DYNC2H1: variants seen among roughly 807,000 people sequenced by gnomAD.
The protein encoded by DYNC2H1 is dynein cytoplasmic 2 heavy chain 1.
DYNC2H1 carries 410 observed loss-of-function variants against 570.0 expected under a neutral mutation model. That is an observed-to-expected ratio of 0.72 (90% CI 0.66 to 0.78). DYNC2H1 has a LOEUF of 0.78. Among genes scored for constraint, DYNC2H1 ranks in the 30% least tolerant of loss-of-function variants. DYNC2H1 has a pLI of 0.00. For missense variants in DYNC2H1, 4,865 were observed against 5,046.4 expected, an observed-to-expected ratio of 0.96 and a Z score of 1.09; for synonymous variants, 1,688 against 1,677.6, an observed-to-expected ratio of 1.01 and a Z score of -0.15.
rs1254883275 is a variant in DYNC2H1, at chr11:103,277,223, A to G, written c.10696-3125A>G. Among the ~76,000 whole-genome samples, 2 of 152,128 alleles carry G rather than the reference A, an allele frequency of 1.3e-5. No homozygotes were observed. The highest frequency in any genetic ancestry group is 2.9e-5 in the Non-Finnish European group (2 of 67,978). ...ATTCTTCACAAATTTATTTGTGCTC[A>G]TATAGTTATACAAAGTGTGTGTTCA... On this transcript the variant is annotated intron_variant, in intron 70 of 88. Coordinates refer to ENST00000375735, the MANE Select transcript of DYNC2H1 (RefSeq NM_001377.3). This position sits in a 1 kb window ranked among gnomAD's most constrained non-coding sequence, Gnocchi z 4.3.
At chr11:103,194,574 A>G (rs527330858) in intron 47 of DYNC2H1, among the ~76,000 whole-genome samples, 1 of 152,240 alleles carries the variant, frequency 6.6e-6, no homozygotes, top group Admixed American at 6.5e-5. Flanking sequence ...CCATTCATGT[A>G]AGTGTATATA....
intron 18 of DYNC2H1, among the ~76,000 whole-genome samples, chr11:103,144,642 G>A (rs184773146): frequency 3.8e-4 from 58 of 152,186 alleles, no homozygotes; most frequent in Non-Finnish European, 6.9e-4. Context: ...AGATGATCCT[G>A]GAAAGGTGTA....
chr11:103,281,166 A>G (rs1203658754), intron 71 of DYNC2H1, among the ~76,000 whole-genome samples: 1 of 152,032 alleles, frequency 6.6e-6, no homozygotes, highest in Non-Finnish European at 1.5e-5. Context: ...TTTGAATATA[A>G]TAGTTAAAAT....
At chr11:103,336,744 A>G (rs1939155620) in intron 82 of DYNC2H1, among the ~76,000 whole-genome samples, 1 of 152,116 alleles carries the variant, frequency 6.6e-6, no homozygotes, top group African/African-American at 2.4e-5. Flanking sequence ...TATCTTGACT[A>G]TTGTGAATAG....
At chr11:103,269,316 G>A (rs1318572253) in intron 70 of DYNC2H1, among the ~76,000 whole-genome samples, 2 of 152,016 alleles carry the variant, frequency 1.3e-5, no homozygotes, top group South Asian at 4.1e-4. Context: ...TAATCATATA[G>A]CAATGAGATA....
intron 6 of DYNC2H1, among the ~76,000 whole-genome samples, chr11:103,118,845 T>A (rs1858552933): frequency 6.6e-6 from 1 of 152,192 alleles, no homozygotes; most frequent in African/African-American, 2.4e-5. Flanking sequence ...GGTTTTCCCA[T>A]TTTTAGTGCT....
intron 83 of DYNC2H1, among the ~76,000 whole-genome samples, chr11:103,359,110 T>G (rs886411471): frequency 1.3e-5 from 2 of 152,330 alleles, no homozygotes; most frequent in Admixed American, 1.3e-4. Context: ...TTTTGGCACC[T>G]TAGTCCCCTA....
intron 70 of DYNC2H1, among the ~76,000 whole-genome samples, chr11:103,278,059 G>A (rs766661838): frequency 2.0e-5 from 3 of 152,070 alleles, no homozygotes; most frequent in Non-Finnish European, 4.4e-5. Context: ...TGGTTTTAAT[G>A]CCACTCTGGT....
rs372161371 is a variant in DYNC2H1, at chr11:103,391,005, G to T, written c.12157-8658G>T. 5.3e-5 allele frequency among the ~76,000 whole-genome samples: 8 copies of T among 152,202 alleles called. No individual in the cohort carries two copies. The East Asian group carries it at 1.4e-3, about 26-fold the overall frequency. The stretch of plus-strand genomic sequence containing the variant: ...GTTGCTCTTCTCGAGGAGTATCTTT[G>T]TGGCATTCTCTGTATTTCCTGAATC... On this transcript the variant is annotated intron_variant, in intron 83 of 88. Coordinates refer to ENST00000375735, the MANE Select transcript of DYNC2H1 (RefSeq NM_001377.3).
At position 103,163,267 on chromosome 11, in the gene DYNC2H1, AC is replaced by A; in HGVS notation, c.4611+121del. On this transcript the variant is annotated intron_variant, in intron 30 of 88. Transcript: ENST00000375735. This position sits in a 1 kb window ranked among gnomAD's most constrained non-coding sequence, Gnocchi z 4.6. ...TCTCCCTTTATCTAACAGTTAACGG[AC>A]AAATTGCTTAACTTCTGAGTCTCAG... 2 of 1,217,592 alleles carry A rather than the reference AC, an allele frequency of 1.6e-6. No homozygotes were observed. Among genetic ancestry groups the A allele is most frequent in the South Asian group, 4.4e-5 (2 of 45,774 alleles). 75.4% of individuals were successfully genotyped at this position (1,217,592 alleles called of 1,614,324 possible).
At chr11:103,386,412 T>C (rs1043482765) in intron 83 of DYNC2H1, among the ~76,000 whole-genome samples, 1 of 152,026 alleles carries the variant, frequency 6.6e-6, no homozygotes, top group Non-Finnish European at 1.5e-5. Context: ...AGCTTACTCT[T>C]TGAGAGCAGT....
chr11:103,187,321 T>A lies in DYNC2H1; in HGVS notation c.6894-19T>A, dbSNP rs916918510. On this transcript the variant is annotated intron_variant, in intron 42 of 88. Coordinates refer to ENST00000375735, the MANE Select transcript of DYNC2H1 (RefSeq NM_001377.3). The stretch of plus-strand genomic sequence containing the variant: ...TGGTTGCATTTTTATCAAAGTCAGA[T>A]GTCATGCATTTTTCGTAGGATGCTG... 6.2e-7 allele frequency: 1 copy of A among 1,612,110 alleles called. No homozygotes were observed. The highest frequency in any genetic ancestry group is 8.5e-7 in the Non-Finnish European group (1 of 1,178,966).
chr11:103,255,308 G>A (rs978956063), intron 66 of DYNC2H1, 107 bp from the exon 67 acceptor site: 31 of 1,197,688 alleles, frequency 2.6e-5, no homozygotes, highest in Non-Finnish European at 3.5e-5. Context: ...AGATAACATA[G>A]TATCATATTT....
chr11:103,455,784 T>G (rs1944766845), intron 86 of DYNC2H1, among the ~76,000 whole-genome samples: 1 of 152,130 alleles, frequency 6.6e-6, no homozygotes, highest in Admixed American at 6.5e-5. Context: ...ACTTGATGAT[T>G]AAGATCAAGC....
In DYNC2H1 at chr11:103,168,595, G is replaced by A. The variant is rs370279797; in HGVS notation, c.4763-160G>A. On this transcript the variant is annotated intron_variant, in intron 31 of 88. Transcript: ENST00000375735. ...TTATTTTTTACTTACTGGTAGATTT[G>A]ACTTTTTTAGCTTATGTGATTTGTA... 3.3e-5 allele frequency among the ~76,000 whole-genome samples: 5 copies of A among 152,086 alleles called. No homozygotes were observed. The East Asian group carries it at 9.7e-4, about 29-fold the overall frequency.
chr11:103,139,251 G>T (rs1323688061), intron 17 of DYNC2H1, among the ~76,000 whole-genome samples: 1 of 151,694 alleles, frequency 6.6e-6, no homozygotes, highest in Non-Finnish European at 1.5e-5. Context: ...CTTGCCTTCT[G>T]CTAGCTTTTG....
chr11:103,322,244 G>A (rs1485654650), intron 81 of DYNC2H1, among the ~76,000 whole-genome samples: 1 of 152,072 alleles, frequency 6.6e-6, no homozygotes, highest in Admixed American at 6.6e-5. Flanking sequence ...AATAAATAGA[G>A]AATATCGCAT....
rs748609399 is a variant in DYNC2H1, at chr11:103,133,249, A to G, written c.1954-306A>G. On this transcript the variant is annotated intron_variant, in intron 13 of 88. Coordinates refer to ENST00000375735, the MANE Select transcript of DYNC2H1 (RefSeq NM_001377.3). The surrounding 1 kb of genome is among the most constrained non-coding windows in gnomAD (Gnocchi z 4.8). ...TGTATAGGAGATAATAAGGAAACCC[A>G]GGTTTGTCGTGCCTTAATTCCTCAG... Among the ~76,000 whole-genome samples the G allele has an allele frequency of 2.6e-5, 4 of 152,082 alleles. No homozygotes were observed. Among genetic ancestry groups the G allele is most frequent in the Non-Finnish European group, 4.4e-5 (3 of 68,016 alleles).
At chr11:103,353,390 A>G (rs2256359) in intron 82 of DYNC2H1, among the ~76,000 whole-genome samples, 83,349 of 151,936 alleles carry the variant, frequency 0.55, 24,732 homozygotes, top group Admixed American at 0.66. Flanking sequence ...CAAATTTTCT[A>G]TATGTGTTCT....
Sources: gnomAD v4.1 joint callset for allele counts (sites outside exome capture counted in the v4.1 genomes callset) on GRCh38, gnomAD v4.1.1 for gene constraint, Gnocchi (gnomAD v3.1) non-coding constraint, MANE v1.5 for transcripts, NCBI Gene and HGNC (gene_info 2026-07-23, HGNC 2026-07-21) for gene names.